LAMC1: variants seen among roughly 807,000 people sequenced by gnomAD.
LAMC1 encodes the protein laminin subunit gamma 1, also known as laminin subunit gamma-1.
LAMC1 carries 38 observed loss-of-function variants against 173.6 expected under a neutral mutation model. The observed-to-expected ratio is 0.22, with a 90% CI of 0.17 to 0.29. The LOEUF is 0.29. Ranked by LOEUF, LAMC1 falls within the 10% of genes least tolerant of loss-of-function variation. The pLI is 1.00. For synonymous variants in LAMC1, 746 were observed against 749.1 expected (o/e 1.00, Z 0.07); for missense variants, 1,824 against 2,051.8 (o/e 0.89, Z 2.14).
chr1:183,114,226 C>T (rs1277034484), intron 4 of LAMC1, among the ~76,000 whole-genome samples: 1 of 152,154 alleles, frequency 6.6e-6, no homozygotes, highest in Non-Finnish European at 1.5e-5. Context: ...TCTGCTACCA[C>T]ACCCGGCTAA....
intron 1 of LAMC1, among the ~76,000 whole-genome samples, chr1:183,100,185 C>T (rs932246392): frequency 6.6e-6 from 1 of 152,166 alleles, no homozygotes; most frequent in African/African-American, 2.4e-5. Context: ...CCATTCATTT[C>T]TCTCCATTCC....
chr1:183,092,180 G>T (rs935007558), intron 1 of LAMC1, among the ~76,000 whole-genome samples: 2 of 152,114 alleles, frequency 1.3e-5, no homozygotes, highest in East Asian at 3.8e-4. Flanking sequence ...CAGATGACAC[G>T]TGGAATAAAT....
rs753945310 is a variant in LAMC1 at position 183,125,352 on chromosome 1, C to T, written c.2648-45C>T. 7 of 1,599,098 alleles carry T rather than the reference C, an allele frequency of 4.4e-6. No individual in the cohort carries two copies. In the South Asian group the frequency reaches 7.7e-5, roughly 18 times the overall value. Reference sequence around the variant, plus strand: ...AGGTTGTTTATATTTTAGTATTTCTCTCAGGTGATTTGTGTCTTTTGCCAT... The same window carrying T: ...AGGTTGTTTATATTTTAGTATTTCTTTCAGGTGATTTGTGTCTTTTGCCAT... On this transcript the variant is annotated intron_variant, in intron 14 of 27. Coordinates refer to ENST00000258341, the MANE Select transcript of LAMC1 (RefSeq NM_002293.4).
intron 6 of LAMC1, 78 bp downstream of exon 6, chr1:183,115,715 T>G: frequency 1.0e-6 from 1 of 973,290 alleles, no homozygotes; most frequent in South Asian, 1.3e-5. Context: ...TTATGGCTTA[T>G]TGGCAGCAGG....
At chr1:183,059,821 T>A (rs538980758) in intron 1 of LAMC1, among the ~76,000 whole-genome samples, 7 of 152,330 alleles carry the variant, frequency 4.6e-5, no homozygotes, top group African/African-American at 1.7e-4. Flanking sequence ...GGTTTGGATT[T>A]CATTTACCAC....
chr1:183,061,900 A>T (rs1201263679), intron 1 of LAMC1, among the ~76,000 whole-genome samples: 1 of 152,232 alleles, frequency 6.6e-6, no homozygotes, highest in Non-Finnish European at 1.5e-5. Flanking sequence ...AAGGCAATTA[A>T]GACTTTGGGC....
intron 1 of LAMC1, among the ~76,000 whole-genome samples, chr1:183,097,920 G>T (rs1655735914): frequency 6.6e-6 from 1 of 152,162 alleles, no homozygotes; most frequent in Non-Finnish European, 1.5e-5. Context: ...TTTTTTGGTG[G>T]TGTGTATATC....
intron 2 of LAMC1, among the ~76,000 whole-genome samples, chr1:183,105,441 A>G (rs2027081): frequency 0.52 from 77,978 of 151,308 alleles, 20,717 homozygotes; most frequent in South Asian, 0.65. Context: ...TCAGTAGAAA[A>G]TGCAGTGATA....
At chr1:183,071,250 A>G (rs972967921) in intron 1 of LAMC1, among the ~76,000 whole-genome samples, 28 of 152,256 alleles carry the variant, frequency 1.8e-4, no homozygotes, top group African/African-American at 6.3e-4. Context: ...TTGTGCCTGT[A>G]TGGATGTTTT....
At chr1:183,044,905 C>G (rs1307545433) in intron 1 of LAMC1, among the ~76,000 whole-genome samples, 2 of 150,910 alleles carry the variant, frequency 1.3e-5, no homozygotes, top group Non-Finnish European at 3.0e-5. Context: ...TGTAAAGTGT[C>G]ATGAAGTTGG....
chr1:183,122,332 G>A (rs1656500279), intron 13 of LAMC1, 81 bp downstream of exon 13: 4 of 1,340,126 alleles, frequency 3.0e-6, no homozygotes, highest in East Asian at 2.3e-5. Flanking sequence ...AGTTGTTTTG[G>A]ATCTTTGTGT....
intron 16 of LAMC1, among the ~76,000 whole-genome samples, 189 bp from the exon 17 acceptor site, chr1:183,127,037 A>T (rs1656638014): frequency 6.6e-6 from 1 of 152,160 alleles, no homozygotes; most frequent in Non-Finnish European, 1.5e-5. Context: ...GCTCATTTTG[A>T]CTTTTAAAAA....
chr1:183,079,231 G>GTTTT (rs1262239438), intron 1 of LAMC1, among the ~76,000 whole-genome samples: 24 of 95,672 alleles, frequency 2.5e-4, no homozygotes, highest in African/African-American at 7.9e-4. Context: ...TCTCTAATCT[G>GTTTT]GTTTTTTTTT....
chr1:183,061,549 AT>A (rs1654746371), intron 1 of LAMC1, among the ~76,000 whole-genome samples: 1 of 152,130 alleles, frequency 6.6e-6, no homozygotes, highest in Admixed American at 6.5e-5. Context: ...CAACATCTAT[AT>A]CTTTTTTTCT....
At chr1:183,137,514 AATTG>A (rs1475070307) in intron 25 of LAMC1, among the ~76,000 whole-genome samples, 151 bp from the exon 26 acceptor site, 2 of 152,218 alleles carry the variant, frequency 1.3e-5, no homozygotes, top group Non-Finnish European at 2.9e-5. Flanking sequence ...TTATAACCCA[AATTG>A]ATAATGTAAG....
intron 1 of LAMC1, among the ~76,000 whole-genome samples, chr1:183,025,239 T>C (rs2102001964): frequency 6.6e-6 from 1 of 152,294 alleles, no homozygotes; most frequent in South Asian, 2.1e-4. Context: ...AAGGAACATG[T>C]TGTAGGCAAA....
At chr1:183,118,923 G>A (rs1409149468) in intron 11 of LAMC1, among the ~76,000 whole-genome samples, 1 of 151,600 alleles carries the variant, frequency 6.6e-6, no homozygotes, top group East Asian at 1.9e-4. Context: ...TTTTGAGACG[G>A]AGTCTTGCTC....
In LAMC1 at chr1:183,117,579, CCTT is replaced by C. The variant is rs1656356919; in HGVS notation, c.1736_1738del (p.Phe579del). 2 of 1,614,206 alleles carry C rather than the reference CCTT, an allele frequency of 1.2e-6. No homozygotes were observed. The highest frequency in any genetic ancestry group is 1.7e-6 in the Non-Finnish European group (2 of 1,180,046). On this transcript the variant is annotated inframe_deletion, in exon 10 of 28. Transcript: ENST00000258341. Reference sequence around the variant, plus strand: ...GTGTTGAGTTATGGTCAGAACCTCTCCTTCTCCTTTCGAGTGGACAGGCGAGAT... The same window carrying C: ...GTGTTGAGTTATGGTCAGAACCTCTCCTCCTTTCGAGTGGACAGGCGAGAT...
intron 1 of LAMC1, among the ~76,000 whole-genome samples, chr1:183,091,535 A>ACTC (rs1655566467): frequency 6.6e-6 from 1 of 152,028 alleles, no homozygotes; most frequent in African/African-American, 2.4e-5. Flanking sequence ...TACTATATGA[A>ACTC]CATCTGGCAC....
Sources: gnomAD v4.1 joint callset for allele counts (sites outside exome capture counted in the v4.1 genomes callset) on GRCh38, gnomAD v4.1.1 for gene constraint, MANE v1.5 for transcripts, NCBI Gene and HGNC (gene_info 2026-07-23, HGNC 2026-07-21) for gene names.